The following CNGB3 variants were observed in gnomAD, a reference collection of about 807,000 sequenced individuals.
CNGB3 encodes cyclic nucleotide-gated channel beta-3.
Under a neutral mutation model 92.8 loss-of-function variants are expected in CNGB3, and 86 were observed. The ratio of observed to expected loss-of-function variants is 0.93; its 90% CI spans 0.78 to 1.11. CNGB3 has a LOEUF of 1.11. Ranked by LOEUF, CNGB3 falls within the 50% of genes least tolerant of loss-of-function variation. The pLI is 0.00. For missense variants in CNGB3, 1,026 were observed against 956.8 expected (o/e 1.07, Z -0.95); for synonymous variants, 333 against 332.7 (o/e 1.00, Z -0.01).
chr8:86,731,481 C>T (rs930941566), intron 2 of CNGB3, among the ~76,000 whole-genome samples: 22 of 152,176 alleles, frequency 1.4e-4, no homozygotes, highest in Non-Finnish European at 3.2e-4. Flanking sequence ...GAACGTGGAT[C>T]CATCTAAGTT....
intron 2 of CNGB3, among the ~76,000 whole-genome samples, chr8:86,729,387 A>G (rs924435986): frequency 1.3e-5 from 2 of 152,218 alleles, no homozygotes; most frequent in Non-Finnish European, 2.9e-5. Context: ...TATCACCATA[A>G]CATTTGGATA....
chr8:86,599,398 G>A (rs555939220), intron 15 of CNGB3, among the ~76,000 whole-genome samples: 4 of 152,282 alleles, frequency 2.6e-5, no homozygotes, highest in Admixed American at 2.6e-4. Context: ...TGAACAATAT[G>A]AAATCTGGAC....
chr8:86,590,467 GC>G (rs1217462165), intron 15 of CNGB3, among the ~76,000 whole-genome samples: 1 of 152,098 alleles, frequency 6.6e-6, no homozygotes, highest in African/African-American at 2.4e-5. Flanking sequence ...TGATTTTGCA[GC>G]GGCTGGTACC....
intron 4 of CNGB3, among the ~76,000 whole-genome samples, chr8:86,668,606 G>A (rs1337244220): frequency 6.6e-6 from 1 of 151,460 alleles, no homozygotes; most frequent in Non-Finnish European, 1.5e-5. Context: ...TTCACTGTGT[G>A]TGTGTTTGTA....
rs1248353384 is a variant in CNGB3 at position 86,726,635 on chromosome 8, G to A, written c.234C>T (p.Ser78=). The A allele has an allele frequency of 6.2e-7, 1 of 1,613,608 alleles. No individual in the cohort carries two copies. The highest frequency in any genetic ancestry group is 1.7e-5 in the Admixed American group (1 of 59,986). ...CAGGGTTTGTGGTCAGATCTCCAGA[G>A]GAATTTTTCTTGGAGAGTTTGTCTA... The part of the protein sequence containing the change: ...NIQDKLSKKN[S]SGDLTTNPDP... Residue 78 remains serine, a synonymous_variant, in exon 3 of 18, where the codon TCC becomes TCT. Transcript: ENST00000320005.
rs138547308 is a variant in CNGB3, at chr8:86,686,004, T to G, written c.339-14906A>C. On this transcript the variant is annotated intron_variant, in intron 3 of 17. Transcript: ENST00000320005. ...TAAACTAATATTTTACAGAGGAGAA[T>G]AATGTATTAATAATAAACCATGGGA... Among the ~76,000 whole-genome samples, 70 of 152,162 alleles carry G rather than the reference T, an allele frequency of 4.6e-4. 1 individual carries two copies. The highest frequency in any genetic ancestry group is 3.4e-3 in the Middle Eastern group (1 of 294).
chr8:86,611,677 T>C lies in CNGB3; in HGVS notation c.1579-6A>G, dbSNP rs1411176545. 4 of 1,597,266 alleles carry C rather than the reference T, an allele frequency of 2.5e-6. No homozygotes were observed. Among genetic ancestry groups the C allele is most frequent in the Admixed American group, 1.7e-5 (1 of 59,912 alleles). On this transcript the variant is annotated splice_region_variant and splice_polypyrimidine_tract_variant and intron_variant, in intron 13 of 17. Transcript: ENST00000320005. ...ATCATCTGTGTATCACAACCCTATATAAAAAGAAAAATAATTCTTATAGAA... is the reference window on the plus strand; with the variant it reads ...ATCATCTGTGTATCACAACCCTATACAAAAAGAAAAATAATTCTTATAGAA...
chr8:86,704,788 C>G (rs1415524785), intron 3 of CNGB3, among the ~76,000 whole-genome samples: 1 of 152,202 alleles, frequency 6.6e-6, no homozygotes, highest in Non-Finnish European at 1.5e-5. Flanking sequence ...TTTAGGCTCT[C>G]TTTTCATCTG....
intron 3 of CNGB3, among the ~76,000 whole-genome samples, chr8:86,676,002 C>T (rs549359356): frequency 6.9e-4 from 105 of 152,026 alleles, no homozygotes; most frequent in Non-Finnish European, 1.1e-3. Context: ...GGTGGGGTTG[C>T]GGGGAAGTCC....
intron 6 of CNGB3, chr8:86,660,423 T>G (rs4961207): frequency 0.82 from 390,539 of 475,830 alleles, 160,971 homozygotes; most frequent in East Asian, 0.94. Flanking sequence ...ACACTAGAAC[T>G]CAGAATAGGG....
Position 86,696,736 on chromosome 8 carries a change from T to C in CNGB3, c.339-25638A>G, listed in dbSNP as rs558433236. On this transcript the variant is annotated intron_variant, in intron 3 of 17. Coordinates refer to ENST00000320005, the MANE Select transcript of CNGB3 (RefSeq NM_019098.5). ...TTATTTTGCCTTATATACACATAGC[T>C]ACTCCTGCTTCGTTTTGGTTTTTAA... Among the ~76,000 whole-genome samples the C allele has an allele frequency of 4.6e-5, 7 of 152,340 alleles. No individual in the cohort carries two copies. The South Asian group carries it at 1.5e-3, about 32-fold the overall frequency.
intron 3 of CNGB3, among the ~76,000 whole-genome samples, chr8:86,711,139 G>A (rs540142328): frequency 6.6e-6 from 1 of 152,206 alleles, no homozygotes; most frequent in East Asian, 1.9e-4. Flanking sequence ...TTTCCATATG[G>A]CAACCCTCAG....
At chr8:86,671,294 G>T (rs1473469660) in intron 3 of CNGB3, among the ~76,000 whole-genome samples, 196 bp from the exon 4 acceptor site, 5 of 152,152 alleles carry the variant, frequency 3.3e-5, no homozygotes, top group Non-Finnish European at 7.3e-5. Flanking sequence ...AAAAAAATTA[G>T]AATCCTCAAA....
At chr8:86,722,443 G>T (rs1281305597) in intron 3 of CNGB3, among the ~76,000 whole-genome samples, 1 of 152,122 alleles carries the variant, frequency 6.6e-6, no homozygotes, top group African/African-American at 2.4e-5. Flanking sequence ...TGCTTTTGGA[G>T]GTGAAGAGTG....
intron 10 of CNGB3, among the ~76,000 whole-genome samples, chr8:86,637,292 C>A (rs1823090561): frequency 6.6e-6 from 1 of 152,082 alleles, no homozygotes; most frequent in Non-Finnish European, 1.5e-5. Context: ...TATTTCTGGG[C>A]TCTCTATTTT....
At chr8:86,695,751 A>T (rs931064287) in intron 3 of CNGB3, among the ~76,000 whole-genome samples, 17 of 152,084 alleles carry the variant, frequency 1.1e-4, no homozygotes, top group African/African-American at 4.1e-4. Flanking sequence ...TAATAGTATT[A>T]CTAGAATTAC....
intron 3 of CNGB3, among the ~76,000 whole-genome samples, chr8:86,689,589 T>G (rs1030625050): frequency 6.6e-6 from 1 of 151,934 alleles, no homozygotes; most frequent in African/African-American, 2.4e-5. Flanking sequence ...TACTGTAAGT[T>G]CTAGGGTACA....
At chr8:86,615,352 C>A (rs114715301) in intron 13 of CNGB3, among the ~76,000 whole-genome samples, 2,168 of 152,124 alleles carry the variant, frequency 0.014, 52 homozygotes, top group African/African-American at 0.05. Flanking sequence ...CACCTGTAAT[C>A]CCAGATTTTG....
intron 3 of CNGB3, among the ~76,000 whole-genome samples, chr8:86,698,896 A>G (rs1245713679): frequency 7.2e-5 from 11 of 152,340 alleles, no homozygotes; most frequent in South Asian, 4.1e-4. Flanking sequence ...AACTAAGGCA[A>G]TGAAGATCAT....
Sources: gnomAD v4.1 joint callset for allele counts (sites outside exome capture counted in the v4.1 genomes callset) on GRCh38, gnomAD v4.1.1 for gene constraint, MANE v1.5 for transcripts, NCBI Gene and HGNC (gene_info 2026-07-23, HGNC 2026-07-21) for gene names.